The following AKAP13 variants were observed in gnomAD, a reference collection of about 807,000 sequenced individuals.
AKAP13 encodes A-kinase anchoring protein 13, also known as A-kinase anchor protein 13.
Under a neutral mutation model 264.5 loss-of-function variants are expected in AKAP13, and 80 were observed. The ratio of observed to expected loss-of-function variants is 0.30; its 90% CI spans 0.25 to 0.36. AKAP13 has a LOEUF of 0.36. Among genes scored for constraint, AKAP13 ranks in the 10% least tolerant of loss-of-function variants. AKAP13 has a pLI of 1.00. For missense variants in AKAP13, 3,712 were observed against 3,435.2 expected (o/e 1.08, Z -2.01); for synonymous variants, 1,380 against 1,250.2 (o/e 1.10, Z -2.19).
chr15:85,502,133 G>C (rs1055758545), intron 2 of AKAP13, among the ~76,000 whole-genome samples: 9 of 152,106 alleles, frequency 5.9e-5, no homozygotes, highest in Admixed American at 5.9e-4. Flanking sequence ...TTGCATTTCT[G>C]GTAAGTTCCC....
chr15:85,648,674 A>G (rs2082668747), intron 10 of AKAP13, among the ~76,000 whole-genome samples: 1 of 152,114 alleles, frequency 6.6e-6, no homozygotes, highest in South Asian at 2.1e-4. Context: ...CCTTGTCTCT[A>G]CAAAAAATAC....
chr15:85,709,680 A>G (rs1186326465), intron 18 of AKAP13, among the ~76,000 whole-genome samples: 1 of 151,104 alleles, frequency 6.6e-6, no homozygotes, highest in Non-Finnish European at 1.5e-5. Context: ...ATTTTATTTT[A>G]TTTTATTTTA....
intron 5 of AKAP13, among the ~76,000 whole-genome samples, chr15:85,559,476 C>T (rs1323338371): frequency 6.6e-6 from 1 of 152,030 alleles, no homozygotes; most frequent in African/African-American, 2.4e-5. Context: ...CACTTTATTT[C>T]TGTTATTACT....
chr15:85,421,244 T>G (rs1458058143), intron 1 of AKAP13, among the ~76,000 whole-genome samples: 8 of 152,204 alleles, frequency 5.3e-5, no homozygotes, highest in Admixed American at 5.2e-4. Flanking sequence ...GGTGCACTAG[T>G]CATTCTTAAA....
intron 17 of AKAP13, chr15:85,702,239 TCACACACACACACA>T (rs3223062): frequency 1.4e-5 from 2 of 146,616 alleles, no homozygotes; most frequent in African/African-American, 5.1e-5. Context: ...AGAGCAAGAC[TCACACACACACACA>T]CACACACACA....
rs758377141 is a variant in AKAP13, at chr15:85,730,700, A to C, written c.7275A>C (p.Ile2425=). The change falls in exon 30 of 37, where the codon ATA becomes ATC. Residue 2425 remains isoleucine (I), a synonymous_variant. Coordinates refer to ENST00000394518, the MANE Select transcript of AKAP13 (RefSeq NM_007200.5). ...GAGGACCTTTAATGAAAAGTGCAAT[A>C]AATGAGGGTAATTAACATTCAGCAT... The part of the protein sequence containing the change: ...LKGGPLMKSA[I]NEVEILQGLV... 15 of 1,612,608 alleles carry C rather than the reference A, an allele frequency of 9.3e-6. No homozygotes were observed. In the South Asian group the frequency reaches 1.1e-4, roughly 12 times the overall value.
At chr15:85,604,656 G>T (rs1567150974) in intron 8 of AKAP13, among the ~76,000 whole-genome samples, 2 of 151,970 alleles carry the variant, frequency 1.3e-5, no homozygotes, top group Non-Finnish European at 2.9e-5. Flanking sequence ...TAGAGATGAG[G>T]TTTCACCATG....
intron 18 of AKAP13, among the ~76,000 whole-genome samples, chr15:85,709,114 G>C (rs1039266442): frequency 2.6e-5 from 4 of 152,238 alleles, no homozygotes; most frequent in Non-Finnish European, 5.9e-5. Context: ...AGTTAGTGCA[G>C]CTCTTTCAAA....
intron 1 of AKAP13, among the ~76,000 whole-genome samples, chr15:85,465,699 C>T (rs903693650): frequency 7.9e-5 from 12 of 151,310 alleles, no homozygotes; most frequent in South Asian, 4.2e-4. Flanking sequence ...TTTTTATGGC[C>T]GCATAGTATT....
intron 12 of AKAP13, among the ~76,000 whole-genome samples, chr15:85,662,812 A>T (rs930870266): frequency 1.3e-5 from 2 of 152,234 alleles, no homozygotes; most frequent in African/African-American, 4.8e-5. Context: ...GATTTCTATT[A>T]TGCTTCTAAA....
At chr15:85,530,171 C>G (rs979533642) in intron 3 of AKAP13, among the ~76,000 whole-genome samples, 8 of 152,160 alleles carry the variant, frequency 5.3e-5, no homozygotes, top group Non-Finnish European at 8.8e-5. Context: ...AACCCCCGCG[C>G]CCCAACACAC....
chr15:85,460,287 G>A (rs968323876), intron 1 of AKAP13, among the ~76,000 whole-genome samples: 3 of 152,114 alleles, frequency 2.0e-5, no homozygotes, highest in African/African-American at 4.8e-5. Flanking sequence ...GCAATTTTAT[G>A]TGCATATGCA....
At chr15:85,482,254 G>T (rs2075374356) in intron 1 of AKAP13, among the ~76,000 whole-genome samples, 1 of 152,090 alleles carries the variant, frequency 6.6e-6, no homozygotes, top group African/African-American at 2.4e-5. Flanking sequence ...TATCTTCTCA[G>T]GGAGGCCTTC....
intron 17 of AKAP13, among the ~76,000 whole-genome samples, chr15:85,698,943 CAAAAAAAAAAAAAA>C (rs10715702): frequency 1.4e-5 from 1 of 72,836 alleles, no homozygotes; most frequent in African/African-American, 6.3e-5. Flanking sequence ...GACCTTGTCT[CAAAAAAAAAAAAAA>C]AAAAAAAAAA....
At chr15:85,400,820 C>T (rs1223755752) in intron 1 of AKAP13, among the ~76,000 whole-genome samples, 1 of 150,030 alleles carries the variant, frequency 6.7e-6, no homozygotes, top group Non-Finnish European at 1.5e-5. Flanking sequence ...AGAGAAATAG[C>T]TGATTAATCA....
chr15:85,534,629 G>A (rs905935047), intron 4 of AKAP13: 2 of 151,360 alleles, frequency 1.3e-5, no homozygotes, highest in Non-Finnish European at 2.9e-5. Flanking sequence ...TTAGAGACAG[G>A]GTTTCACCGT....
chr15:85,675,197 A>G (rs976319742), intron 14 of AKAP13, among the ~76,000 whole-genome samples: 3 of 152,174 alleles, frequency 2.0e-5, no homozygotes, highest in Non-Finnish European at 2.9e-5. Context: ...GATTCTGAGT[A>G]ATAGGGGCAG....
intron 12 of AKAP13, among the ~76,000 whole-genome samples, chr15:85,660,058 G>T: frequency 6.6e-6 from 1 of 152,138 alleles, no homozygotes. Context: ...CCTTAGAAAA[G>T]CTGTTATATC....
Position 85,551,793 on chromosome 15 carries a change from C to A in AKAP13, c.662+7838C>A, listed in dbSNP as rs532515641. 2.6e-5 allele frequency among the ~76,000 whole-genome samples: 4 copies of A among 152,250 alleles called. No homozygotes were observed. In the South Asian group the frequency reaches 8.3e-4, roughly 32 times the overall value. Reference sequence around the variant, plus strand: ...AGGCTTAAGTGGAAGAAAATACAGACCTGGAGTATAGGGCTTGATAGTCAG... The same window carrying A: ...AGGCTTAAGTGGAAGAAAATACAGAACTGGAGTATAGGGCTTGATAGTCAG... On this transcript the variant is annotated intron_variant, in intron 5 of 36. Coordinates refer to ENST00000394518, the MANE Select transcript of AKAP13 (RefSeq NM_007200.5).
Sources: gnomAD v4.1 joint callset for allele counts (sites outside exome capture counted in the v4.1 genomes callset) on GRCh38, gnomAD v4.1.1 for gene constraint, MANE v1.5 for transcripts, NCBI Gene and HGNC (gene_info 2026-07-23, HGNC 2026-07-21) for gene names.